Variants in C7 observed in about 807,000 individuals in gnomAD.
The protein encoded by C7 is complement component C7.
In C7, 83 loss-of-function variants were observed where a neutral mutation model predicts 104.8. The ratio of observed to expected loss-of-function variants is 0.79; its 90% CI spans 0.66 to 0.95. C7 has a LOEUF of 0.95. Ranked by LOEUF, C7 falls within the 40% of genes least tolerant of loss-of-function variation. The pLI, the probability that C7 is intolerant of heterozygous loss-of-function variation, is 0.00. For synonymous variants in C7, 415 were observed against 360.6 expected (o/e 1.15, Z -1.71); for missense variants, 1,070 against 1,011.2 (o/e 1.06, Z -0.79).
chr5:40,945,420 G>T (rs1740026284), intron 7 of C7, 52 bp downstream of exon 7: 1 of 1,215,422 alleles, frequency 8.2e-7, no homozygotes, highest in South Asian at 1.5e-5. Flanking sequence ...TTTAAGTATT[G>T]CTTACATTAA....
intron 14 of C7, among the ~76,000 whole-genome samples, chr5:40,969,445 G>T (rs3805223): frequency 1.3e-5 from 2 of 151,914 alleles, no homozygotes; most frequent in African/African-American, 4.8e-5. Context: ...TTGTCTTTTT[G>T]AATGTTAAAT....
intron 3 of C7, among the ~76,000 whole-genome samples, chr5:40,933,522 T>C (rs535764321): frequency 6.6e-6 from 1 of 152,336 alleles, no homozygotes; most frequent in Non-Finnish European, 1.5e-5. Flanking sequence ...AAGTTTCTCA[T>C]TTAGTTTGAT....
chr5:40,981,650 G>A lies in C7; in HGVS notation c.*77G>A. 1 of 1,226,280 alleles carries A rather than the reference G, an allele frequency of 8.2e-7. No individual in the cohort carries two copies. 76.0% of individuals were successfully genotyped at this position (1,226,280 alleles called of 1,614,324 possible). On this transcript the variant is annotated 3_prime_UTR_variant, in exon 18 of 18. Transcript: ENST00000313164. The stretch of plus-strand genomic sequence containing the variant: ...TGAGTGAAAACATCTGCACAACTGG[G>A]CACTGGACAGCTTTTCCTTCTTCTC...
intron 1 of C7, among the ~76,000 whole-genome samples, chr5:40,920,578 G>A (rs979749023): frequency 6.1e-5 from 9 of 147,398 alleles, no homozygotes; most frequent in African/African-American, 1.7e-4. Flanking sequence ...TGGCTTCATG[G>A]CTGAATTCTA....
chr5:40,912,759 T>G (rs1285034900), intron 1 of C7, among the ~76,000 whole-genome samples: 2 of 152,210 alleles, frequency 1.3e-5, no homozygotes, highest in African/African-American at 4.8e-5. Flanking sequence ...TACTCAAGAT[T>G]TTTTGAAATT....
intron 16 of C7, among the ~76,000 whole-genome samples, chr5:40,978,843 C>G (rs1048860693): frequency 7.4e-6 from 1 of 135,950 alleles, no homozygotes; most frequent in South Asian, 2.5e-4. Flanking sequence ...AGCACCAATG[C>G]TAATGAGGAA....
Position 40,964,833 on chromosome 5 carries a change from A to G in C7, c.1842A>G (p.Gly614=). ...SLIGNPVARC[G]EDLRWLVGEM... ...TTGGAAACCCAGTGGCCAGATGTGG[A>G]GAAGATTTACGGTGGCTTGTTGGGG... The change falls in exon 14 of 18, where the codon GGA becomes GGG. Residue 614 remains glycine (G), a synonymous_variant. Transcript: ENST00000313164. 1 of 1,613,736 alleles carries G rather than the reference A, an allele frequency of 6.2e-7. No homozygotes were observed. Among genetic ancestry groups the G allele is most frequent in the Non-Finnish European group, 8.5e-7 (1 of 1,179,694 alleles).
At chr5:40,971,812 CG>C (rs1740703122) in intron 14 of C7, among the ~76,000 whole-genome samples, 1 of 151,996 alleles carries the variant, frequency 6.6e-6, no homozygotes, top group African/African-American at 2.4e-5. Context: ...TATGGCTTGC[CG>C]GTTTTCCCAT....
rs1740722585 is a variant in C7 at position 40,972,525 on chromosome 5, T to C, written c.2005T>C (p.Ser669Pro). The C allele has an allele frequency of 6.2e-7, 1 of 1,613,544 alleles. No homozygotes were observed. Among genetic ancestry groups the C allele is most frequent in the African/African-American group, 1.3e-5 (1 of 74,904 alleles). ...CSGGMSLEGP[S>P]AFLCGSSLKW... ...AGGTGGCATGTCCTTAGAAGGTCCT[T>C]CAGCATTTCTCTGTGGCTCCAGCCT... Residue 669 changes from serine (S) to proline (P), a missense_variant, in exon 15 of 18, where the codon TCA becomes CCA. By Grantham distance (74) the Ser-to-Pro change is moderately conservative (BLOSUM62 -1). Transcript: ENST00000313164.
intron 8 of C7, 131 bp from the exon 9 acceptor site, chr5:40,949,773 T>C (rs2111636742): frequency 1.6e-6 from 1 of 643,016 alleles, no homozygotes; most frequent in African/African-American, 1.8e-5. Context: ...CACTTGAAAA[T>C]GTTCATATCA....
In C7 at chr5:40,922,625, C is replaced by G. The variant is rs144807775; in HGVS notation, c.7-5955C>G. 3.2e-3 allele frequency among the ~76,000 whole-genome samples: 480 copies of G among 148,704 alleles called. 2 individuals carry two copies. Among genetic ancestry groups the G allele is most frequent in the African/African-American group, 0.011 (454 of 40,270 alleles). Reference sequence around the variant, plus strand: ...CTGAGGCAGGAGAATTGCTTGAACCCAGGAGGAGGAGGTTGCAGTGAGCCA... The same window carrying G: ...CTGAGGCAGGAGAATTGCTTGAACCGAGGAGGAGGAGGTTGCAGTGAGCCA... On this transcript the variant is annotated intron_variant, in intron 1 of 17. Coordinates refer to ENST00000313164, the MANE Select transcript of C7 (RefSeq NM_000587.4).
Position 40,947,752 on chromosome 5 carries a change from G to A in C7, c.889G>A (p.Asp297Asn), listed in dbSNP as rs781706660. The change falls in exon 8 of 18, where the codon GAC becomes AAC. Residue 297 changes from aspartate (D) to asparagine (N), a missense_variant. Coordinates refer to ENST00000313164, the MANE Select transcript of C7 (RefSeq NM_000587.4). Reference protein sequence around the residue: ...YDYSAYRRLIDQYGTHYLQSG... With the variant: ...YDYSAYRRLINQYGTHYLQSG... ...CTACAGTGCCTACCGAAGATTAATC[G>A]ACCAGTACGGGACACATTATCTGCA... The A allele has an allele frequency of 6.8e-6, 11 of 1,613,598 alleles. No homozygotes were observed. The highest frequency in any genetic ancestry group is 3.3e-5 in the South Asian group (3 of 91,056).
chr5:40,937,879 T>C (rs1739850648), intron 6 of C7, among the ~76,000 whole-genome samples, 189 bp downstream of exon 6: 1 of 152,190 alleles, frequency 6.6e-6, no homozygotes. Flanking sequence ...ATGATACTTT[T>C]AACATGTGTC....
rs200031049 is a variant in C7 at position 40,933,940 on chromosome 5, C to CTT, written c.139-373_139-372dup. 3.8e-3 allele frequency among the ~76,000 whole-genome samples: 535 copies of CTT among 142,666 alleles called. 6 individuals are homozygous for CTT. The highest frequency in any genetic ancestry group is 0.012 in the African/African-American group (463 of 38,894). The allele number at this position is 142,666 out of a possible 152,430, so 93.6% of individuals were successfully genotyped here. A position where few individuals can be genotyped will look rare whatever the true frequency, so the allele number is the denominator to read the frequency against. On this transcript the variant is annotated intron_variant, in intron 3 of 17. Transcript: ENST00000313164. ...CTCAGGTTACTTTCTTTTTTCTTTT[C>CTT]TTTTTTTTTTTTTGAGACGGTGTCT...
chr5:40,954,233 T>C (rs905678690), intron 9 of C7, among the ~76,000 whole-genome samples: 2 of 152,180 alleles, frequency 1.3e-5, no homozygotes, highest in African/African-American at 4.8e-5. Context: ...TATTTTATTA[T>C]GAAAATTTTA....
chr5:40,941,672 T>C (rs1047577778), intron 6 of C7, among the ~76,000 whole-genome samples: 4 of 152,090 alleles, frequency 2.6e-5, no homozygotes, highest in Admixed American at 6.5e-5. Context: ...AGCGGCTGAA[T>C]GCGGGGTATG....
rs1162994651 is a variant in C7 at position 40,981,814 on chromosome 5, G to C, written c.*241G>C. 2.7e-6 allele frequency: 1 copy of C among 373,530 alleles called. No individual in the cohort carries two copies. The highest frequency in any genetic ancestry group is 2.0e-5 in the African/African-American group (1 of 48,796). 23.1% of individuals were successfully genotyped at this position (373,530 alleles called of 1,614,324 possible). On this transcript the variant is annotated 3_prime_UTR_variant, in exon 18 of 18. Transcript: ENST00000313164. The stretch of plus-strand genomic sequence containing the variant: ...GAGCCTTTGCACAGGCTGGCTGCGT[G>C]TTCTTGAAATAGGTGTTACCTTCTC...
At position 40,962,118 on chromosome 5, in the gene C7, G is replaced by A; in HGVS notation, c.1695G>A (p.Leu565=). The change falls in exon 13 of 18, where the codon TTG becomes TTA. Residue 565 remains leucine, a synonymous_variant. Transcript: ENST00000313164. ...LLEPHCFPLS[L]VPTEFCPSPP... ...AACCACATTGCTTTCCTTTGTCTTT[G>A]GTTCCAACAGAATTCTGTCCATCAC... is the stretch of plus-strand genomic sequence containing the variant. The A allele has an allele frequency of 6.4e-7, 1 of 1,563,164 alleles. No individual in the cohort carries two copies. The highest frequency in any genetic ancestry group is 1.3e-5 in the African/African-American group (1 of 74,340).
chr5:40,939,867 A>G (rs1739898497), intron 6 of C7, among the ~76,000 whole-genome samples: 1 of 152,248 alleles, frequency 6.6e-6, no homozygotes, highest in African/African-American at 2.4e-5. Context: ...CATTTTCCTC[A>G]GCAGGGCTTG....
Sources: allele counts gnomAD v4.1 joint callset (sites outside exome capture counted in the v4.1 genomes callset), GRCh38; gene constraint gnomAD v4.1.1; transcripts MANE v1.5; gene names NCBI Gene and HGNC (gene_info 2026-07-23, HGNC 2026-07-21).